EYS: variants seen among roughly 807,000 people sequenced by gnomAD.
EYS encodes the protein EGF-like photoreceptor maintenance factor.
In EYS, 250 loss-of-function variants were observed where a neutral mutation model predicts 282.1. The ratio of observed to expected loss-of-function variants is 0.89; its 90% CI spans 0.80 to 0.98. EYS has a LOEUF of 0.98. EYS is among the 50% of genes least tolerant of loss of function. The probability of loss-of-function intolerance (pLI) is 0.00; values close to 1 mark genes in which losing one functional copy is unlikely to be tolerated. For missense variants in EYS, 4,016 were observed against 3,709.0 expected (o/e 1.08, Z -2.15); for synonymous variants, 1,355 against 1,282.9 (o/e 1.06, Z -1.20).
At chr6:64,097,213 G>A (rs1210108455) in intron 31 of EYS, among the ~76,000 whole-genome samples, 1 of 152,206 alleles carries the variant, frequency 6.6e-6, no homozygotes, top group Admixed American at 6.5e-5. Context: ...ACCCACTTGA[G>A]GAGGCAGTCT....
In EYS at chr6:64,437,904, C is replaced by T. The variant is rs759798974; in HGVS notation, c.5835+1258G>A. ...TATAACTCATCCTTTCATGGAAATT[C>T]ACAACATGTACACTTAAATCACATC... On this transcript the variant is annotated intron_variant, in intron 27 of 42. Transcript: ENST00000503581. Among the ~76,000 whole-genome samples, 94 of 151,464 alleles carry T rather than the reference C, an allele frequency of 6.2e-4. 2 individuals carry two copies. Among genetic ancestry groups the T allele is most frequent in the Non-Finnish European group, 3.1e-4 (21 of 67,644 alleles).
chr6:64,879,629 A>T (rs949568889), intron 19 of EYS, among the ~76,000 whole-genome samples: 23 of 152,110 alleles, frequency 1.5e-4, no homozygotes, highest in African/African-American at 5.5e-4. Context: ...TTAACAATGT[A>T]ATAGAGGCAC....
At chr6:64,358,959 T>A (rs1771918802) in intron 29 of EYS, among the ~76,000 whole-genome samples, 1 of 151,690 alleles carries the variant, frequency 6.6e-6, no homozygotes, top group Non-Finnish European at 1.5e-5. Context: ...TCATACAATA[T>A]CCTATTTTTC....
chr6:64,398,323 TAGGAGATGGA>T (rs749335614), intron 28 of EYS, among the ~76,000 whole-genome samples: 3 of 151,890 alleles, frequency 2.0e-5, no homozygotes, highest in South Asian at 2.1e-4. Flanking sequence ...GAACACGCGT[TAGGAGATGGA>T]AGGAGATGGA....
At chr6:64,378,273 A>C (rs1051596636) in intron 29 of EYS, among the ~76,000 whole-genome samples, 2 of 152,202 alleles carry the variant, frequency 1.3e-5, no homozygotes, top group African/African-American at 4.8e-5. Context: ...CTTAAATACC[A>C]GCAGGCTGAA....
chr6:64,041,171 T>G (rs1438862673), intron 33 of EYS, among the ~76,000 whole-genome samples: 5 of 152,092 alleles, frequency 3.3e-5, no homozygotes, highest in Non-Finnish European at 7.4e-5. Context: ...ACTCTGCTGA[T>G]TCTGACAGAA....
Position 65,351,669 on chromosome 6 carries a change from T to C in EYS, c.1459+1789A>G, listed in dbSNP as rs893091639. Among the ~76,000 whole-genome samples the C allele has an allele frequency of 2.0e-5, 3 of 151,762 alleles. No individual in the cohort carries two copies. In the East Asian group the frequency reaches 5.8e-4, roughly 29 times the overall value. ...TGAAAGCATTATTCCTACTATGAGA[T>C]AAAGGAAAATGAAGTGCAAAAACGA... is the stretch of plus-strand genomic sequence containing the variant. On this transcript the variant is annotated intron_variant, in intron 9 of 42. Coordinates refer to ENST00000503581, the MANE Select transcript of EYS (RefSeq NM_001142800.2).
intron 36 of EYS, among the ~76,000 whole-genome samples, chr6:63,843,301 C>A (rs1013614743): frequency 2.0e-5 from 3 of 152,016 alleles, no homozygotes; most frequent in African/African-American, 7.2e-5. Flanking sequence ...GTTTGTAGTT[C>A]TTTTTGAATA....
chr6:64,984,152 A>G (rs962386476), intron 14 of EYS, among the ~76,000 whole-genome samples: 4 of 151,418 alleles, frequency 2.6e-5, no homozygotes, highest in African/African-American at 9.7e-5. Flanking sequence ...TAGACCAACT[A>G]ATGAAAGGCA....
At chr6:65,164,914 C>T (rs1009999769) in intron 12 of EYS, among the ~76,000 whole-genome samples, 1 of 151,154 alleles carries the variant, frequency 6.6e-6, no homozygotes, top group Non-Finnish European at 1.5e-5. Context: ...TATAAGGACA[C>T]CACTCATTTC....
chr6:64,028,185 G>A (rs1769629882), intron 33 of EYS, among the ~76,000 whole-genome samples: 1 of 152,166 alleles, frequency 6.6e-6, no homozygotes, highest in Non-Finnish European at 1.5e-5. Flanking sequence ...ACTTGAGGAG[G>A]GAATCAATCC....
chr6:63,956,569 T>C (rs1459076956), intron 35 of EYS, among the ~76,000 whole-genome samples: 2 of 152,216 alleles, frequency 1.3e-5, no homozygotes, highest in Admixed American at 6.5e-5. Context: ...TGGTGGGTAT[T>C]TAAAGCATTA....
At position 64,997,713 on chromosome 6, in the gene EYS, A is replaced by T. The variant is rs772576838; in HGVS notation, c.2138-10T>A. ...GAAAAGCCATCAACCACTGGAAACA[A>T]CAGAAAAGAGAAAACTCTTAACATT... On this transcript the variant is annotated splice_polypyrimidine_tract_variant and intron_variant, in intron 13 of 42. Coordinates refer to ENST00000503581, the MANE Select transcript of EYS (RefSeq NM_001142800.2). The T allele has an allele frequency of 6.5e-7, 1 of 1,550,064 alleles. No individual in the cohort carries two copies. The highest frequency in any genetic ancestry group is 1.2e-5 in the South Asian group (1 of 83,892).
intron 26 of EYS, among the ~76,000 whole-genome samples, chr6:64,576,053 T>G (rs918752110): frequency 6.6e-6 from 1 of 152,100 alleles, no homozygotes; most frequent in African/African-American, 2.4e-5. Context: ...TTATTCACCT[T>G]CCAAGCTTCT....
rs115456198 is a variant in EYS, at chr6:64,037,683, A to C, written c.6725+28655T>G. ...ATCATTAGTAAACTATGAAACAATG[A>C]ATAAACACACACATGCAGATGAGAT... On this transcript the variant is annotated intron_variant, in intron 33 of 42. Coordinates refer to ENST00000503581, the MANE Select transcript of EYS (RefSeq NM_001142800.2). Among the ~76,000 whole-genome samples, 1,208 of 152,324 alleles carry C rather than the reference A, an allele frequency of 7.9e-3. 13 individuals carry two copies. Among genetic ancestry groups the C allele is most frequent in the African/African-American group, 0.027 (1,113 of 41,566 alleles).
At position 64,514,705 on chromosome 6, in the gene EYS, C is replaced by A. The variant is rs143016303; in HGVS notation, c.5645-75353G>T. Among the ~76,000 whole-genome samples, 299 of 151,786 alleles carry A rather than the reference C, an allele frequency of 2.0e-3. 1 individual carries two copies. The highest frequency in any genetic ancestry group is 3.0e-3 in the Non-Finnish European group (206 of 67,778). On this transcript the variant is annotated intron_variant, in intron 26 of 42. Coordinates refer to ENST00000503581, the MANE Select transcript of EYS (RefSeq NM_001142800.2). ...CCTCCTGTGAGCAGTATTCTGTGAG[C>A]AACTGTTTACCAAGTCAGGTTCAAC...
intron 12 of EYS, among the ~76,000 whole-genome samples, chr6:65,264,875 A>G (rs1170803727): frequency 6.6e-6 from 1 of 151,786 alleles, no homozygotes; most frequent in African/African-American, 2.4e-5. Context: ...TCATAGATAT[A>G]TCTGTGTAGA....
At chr6:64,446,833 G>A (rs1775132419) in intron 26 of EYS, among the ~76,000 whole-genome samples, 2 of 151,940 alleles carry the variant, frequency 1.3e-5, no homozygotes, top group Admixed American at 6.6e-5. Context: ...ACTGCCCAAA[G>A]AAATAATTAT....
intron 28 of EYS, among the ~76,000 whole-genome samples, chr6:64,389,327 A>G (rs1287939975): frequency 6.6e-6 from 1 of 152,230 alleles, no homozygotes; most frequent in African/African-American, 2.4e-5. Context: ...AAATGAATAA[A>G]TCAAATATAA....
Sources: gnomAD v4.1 joint callset for allele counts (sites outside exome capture counted in the v4.1 genomes callset) on GRCh38, gnomAD v4.1.1 for gene constraint, MANE v1.5 for transcripts, NCBI Gene and HGNC (gene_info 2026-07-23, HGNC 2026-07-21) for gene names.